Variants in SUSD4 observed in about 807,000 individuals in gnomAD.
SUSD4 encodes the protein sushi domain-containing protein 4.
In SUSD4, 41 loss-of-function variants were observed where a neutral mutation model predicts 50.5. The observed-to-expected ratio is 0.81, with a 90% CI of 0.63 to 1.05. The LOEUF is 1.05. SUSD4 is among the 50% of genes least tolerant of loss of function. The pLI, the probability that SUSD4 is intolerant of heterozygous loss-of-function variation, is 0.00. For synonymous variants in SUSD4, 257 were observed against 257.3 expected (o/e 1.00, Z 0.01); for missense variants, 580 against 634.7 (o/e 0.91, Z 0.93).
chr1:223,264,709 T>C lies in SUSD4; in HGVS notation c.645A>G (p.Lys215=). 1 of 1,614,064 alleles carries C rather than the reference T, an allele frequency of 6.2e-7. No individual in the cohort carries two copies. Among genetic ancestry groups the C allele is most frequent in the Non-Finnish European group, 8.5e-7 (1 of 1,180,010 alleles). ...ACTCAAGATACGCAGACCCATCAAG[T>C]TTAAATCCGGGAAAGCAGCGATAGG... ...VISYRCFPGF[K]LDGSAYLECL... The change falls in exon 5 of 9, where the codon AAA becomes AAG. Residue 215 remains lysine, a synonymous_variant. Transcript: ENST00000366878.
At chr1:223,269,329 G>A (rs574558673) in intron 3 of SUSD4, among the ~76,000 whole-genome samples, 176 of 152,318 alleles carry the variant, frequency 1.2e-3, no homozygotes, top group African/African-American at 3.2e-3. Flanking sequence ...CAAAAGGCAC[G>A]TTTATAGGAG....
intron 3 of SUSD4, among the ~76,000 whole-genome samples, chr1:223,271,093 C>T (rs1026099490): frequency 2.6e-5 from 4 of 152,194 alleles, no homozygotes; most frequent in African/African-American, 9.6e-5. Flanking sequence ...AGGCATCCGT[C>T]TGTAAAATCT....
At chr1:223,361,555 G>A (rs748264715) in intron 2 of SUSD4, among the ~76,000 whole-genome samples, 3 of 152,092 alleles carry the variant, frequency 2.0e-5, no homozygotes, top group Non-Finnish European at 4.4e-5. Context: ...GACCGAGGTG[G>A]CCATGATGTA....
intron 2 of SUSD4, among the ~76,000 whole-genome samples, chr1:223,331,050 C>T (rs1394293017): frequency 6.6e-6 from 1 of 152,144 alleles, no homozygotes; most frequent in Admixed American, 6.5e-5. Flanking sequence ...CAGAGGTGCA[C>T]CAGCTGTCTC....
chr1:223,241,718 G>A (rs1469100351), intron 5 of SUSD4, among the ~76,000 whole-genome samples: 1 of 152,216 alleles, frequency 6.6e-6, no homozygotes, highest in Non-Finnish European at 1.5e-5. Flanking sequence ...CGATGGTTGT[G>A]GACAAGCAGT....
chr1:223,256,569 C>T (rs901709138), intron 5 of SUSD4, among the ~76,000 whole-genome samples: 4 of 152,194 alleles, frequency 2.6e-5, no homozygotes, highest in African/African-American at 9.7e-5. Flanking sequence ...ACTCTGTTAG[C>T]CAGCATTGGG....
rs1659712627 is a variant in SUSD4, at chr1:223,229,049, C to T, written c.916+148G>A. On this transcript the variant is annotated intron_variant, in intron 6 of 8. Transcript: ENST00000366878. This position sits in a 1 kb window ranked among gnomAD's most constrained non-coding sequence, Gnocchi z 4.7. ...CTGGCACAGAGCCCAACAGCAGCCC[C>T]ATCGACCCGCAATGATATGTTTCGA... 1.9e-5 allele frequency: 15 copies of T among 791,110 alleles called. No homozygotes were observed. The highest frequency in any genetic ancestry group is 2.9e-5 in the Non-Finnish European group (15 of 509,922). 49.0% of individuals were successfully genotyped at this position (791,110 alleles called of 1,614,324 possible).
At chr1:223,319,027 A>G (rs1666411714) in intron 2 of SUSD4, among the ~76,000 whole-genome samples, 1 of 48,004 alleles carries the variant, frequency 2.1e-5, no homozygotes, top group Non-Finnish European at 4.2e-5. Flanking sequence ...GATCTTTGAC[A>G]AACCTGAGAA....
chr1:223,303,761 G>A (rs976728085), intron 2 of SUSD4, among the ~76,000 whole-genome samples: 1 of 152,172 alleles, frequency 6.6e-6, no homozygotes, highest in East Asian at 1.9e-4. Context: ...AGGGATTTAG[G>A]GTCATTTGAT....
chr1:223,361,835 C>A (rs1029836311), intron 2 of SUSD4, among the ~76,000 whole-genome samples: 1 of 152,184 alleles, frequency 6.6e-6, no homozygotes, highest in Non-Finnish European at 1.5e-5. Flanking sequence ...TCCAGATCCA[C>A]GCAATACTGT....
chr1:223,338,781 T>C lies in SUSD4; in HGVS notation c.148+24497A>G, dbSNP rs187476584. ...CAGATCTTAATGCCATTCACTGAGATGGGGAACATGGAGGGAGAGGCAATC... is the reference window on the plus strand; with the variant it reads ...CAGATCTTAATGCCATTCACTGAGACGGGGAACATGGAGGGAGAGGCAATC... On this transcript the variant is annotated intron_variant, in intron 2 of 8. Transcript: ENST00000366878. Among the ~76,000 whole-genome samples, 399 of 152,298 alleles carry C rather than the reference T, an allele frequency of 2.6e-3. 2 individuals are homozygous for C. The highest frequency in any genetic ancestry group is 9.1e-3 in the African/African-American group (380 of 41,560).
At chr1:223,291,734 C>T (rs1664504389) in intron 3 of SUSD4, among the ~76,000 whole-genome samples, 1 of 152,114 alleles carries the variant, frequency 6.6e-6, no homozygotes, top group Non-Finnish European at 1.5e-5. Context: ...AACTTCAGCC[C>T]TGCTGGTCTT....
chr1:223,221,599 CT>C lies in SUSD4; in HGVS notation c.*592del, dbSNP rs1208913297. On this transcript the variant is annotated 3_prime_UTR_variant, in exon 9 of 9. Transcript: ENST00000366878. The stretch of plus-strand genomic sequence containing the variant: ...TTCTCACTGCAACTGCCACATCCTG[CT>C]TTCGTCTTGCTTCGAGTAGAGTTGT... 6.5e-6 allele frequency: 1 copy of C among 154,208 alleles called. No homozygotes were observed. Among genetic ancestry groups the C allele is most frequent in the Non-Finnish European group, 1.4e-5 (1 of 69,526 alleles). The allele number at this position is 154,208 out of a possible 1,614,324, so 9.6% of individuals were successfully genotyped here. A position where few individuals can be genotyped will look rare whatever the true frequency, so the allele number is the denominator to read the frequency against.
At chr1:223,272,533 AATCT>A (rs999418605) in intron 3 of SUSD4, among the ~76,000 whole-genome samples, 1 of 152,226 alleles carries the variant, frequency 6.6e-6, no homozygotes, top group Admixed American at 6.5e-5. Context: ...CAGTAAAAGA[AATCT>A]TAAAGAAAAT....
intron 5 of SUSD4, among the ~76,000 whole-genome samples, chr1:223,238,354 C>T (rs1660358120): frequency 6.6e-6 from 1 of 151,920 alleles, no homozygotes; most frequent in East Asian, 1.9e-4. Flanking sequence ...TTGATTCCTG[C>T]TCTAATTCTT....
In SUSD4 at chr1:223,228,949, G is replaced by A. The variant is rs1659705179; in HGVS notation, c.916+248C>T. Among the ~76,000 whole-genome samples, 3 of 151,870 alleles carry A rather than the reference G, an allele frequency of 2.0e-5. No individual in the cohort carries two copies. In the South Asian group the frequency reaches 6.3e-4, roughly 32 times the overall value. ...CCTGACCCTCTGAATAGGGTCCCTAGGCCCCTAGCATCCATGGAAGGACCT... is the reference window on the plus strand; with the variant it reads ...CCTGACCCTCTGAATAGGGTCCCTAAGCCCCTAGCATCCATGGAAGGACCT... On this transcript the variant is annotated intron_variant, in intron 6 of 8. Transcript: ENST00000366878.
At position 223,245,024 on chromosome 1, in the gene SUSD4, T is replaced by C. The variant is rs76727665; in HGVS notation, c.725-15636A>G. Among the ~76,000 whole-genome samples the C allele has an allele frequency of 6.4e-3, 974 of 152,188 alleles. 29 individuals carry two copies. The East Asian group carries it at 0.11, about 18-fold the overall frequency. Reference sequence around the variant, plus strand: ...ACAGCCCTATTCACAGTGGGGTCCATAGACCACTGGTGCACCCTACTGGTG... The same window carrying C: ...ACAGCCCTATTCACAGTGGGGTCCACAGACCACTGGTGCACCCTACTGGTG... On this transcript the variant is annotated intron_variant, in intron 5 of 8. Transcript: ENST00000366878.
At chr1:223,299,628 G>T (rs1425459916) in intron 2 of SUSD4, among the ~76,000 whole-genome samples, 9 of 152,098 alleles carry the variant, frequency 5.9e-5, no homozygotes, top group Non-Finnish European at 1.2e-4. Context: ...TGATTCTAGG[G>T]GTATGTGTGA....
At chr1:223,302,789 G>A (rs558061285) in intron 2 of SUSD4, among the ~76,000 whole-genome samples, 1 of 152,264 alleles carries the variant, frequency 6.6e-6, no homozygotes, top group East Asian at 1.9e-4. Context: ...TGCCCGCGTG[G>A]GCCAGGAGAA....
Sources: allele counts gnomAD v4.1 joint callset (sites outside exome capture counted in the v4.1 genomes callset), GRCh38; gene constraint gnomAD v4.1.1; non-coding constraint Gnocchi (gnomAD v3.1); transcripts MANE v1.5; gene names NCBI Gene and HGNC (gene_info 2026-07-23, HGNC 2026-07-21).